Variants in HMG20A observed in about 807,000 individuals in gnomAD.
The protein encoded by HMG20A is high mobility group protein 20A.
In HMG20A, 17 loss-of-function variants were observed where a neutral mutation model predicts 43.9. That is an observed-to-expected ratio of 0.39 (90% CI 0.27 to 0.58). HMG20A has a LOEUF of 0.58. Among genes scored for constraint, HMG20A ranks in the 20% least tolerant of loss-of-function variants. HMG20A has a pLI of 0.59. For synonymous variants in HMG20A, 132 were observed against 147.5 expected, an observed-to-expected ratio of 0.89 and a Z score of 0.76; for missense variants, 341 against 438.2, an observed-to-expected ratio of 0.78 and a Z score of 1.98.
the HMG20A span, among the ~76,000 whole-genome samples, chr15:77,502,059 G>A: frequency 6.6e-6 from 1 of 152,070 alleles, no homozygotes; most frequent in Non-Finnish European, 1.5e-5. Flanking sequence ...TGTAGGCAAA[G>A]AATAATTTTT....
At chr15:77,517,256 A>G in the HMG20A span, among the ~76,000 whole-genome samples, 2 of 152,052 alleles carry the variant, frequency 1.3e-5, no homozygotes, top group Non-Finnish European at 2.9e-5. Context: ...ATCCTCTACA[A>G]TGTCTGTTTT....
At chr15:77,423,904 C>T (rs1055687166) in intron 1 of HMG20A, among the ~76,000 whole-genome samples, 1 of 152,006 alleles carries the variant, frequency 6.6e-6, no homozygotes, top group African/African-American at 2.4e-5. Flanking sequence ...TATTTCATAG[C>T]CTTCACAGGT....
At chr15:77,490,562 C>G (rs1218018852), downstream of HMG20A, among the ~76,000 whole-genome samples, 1 of 152,146 alleles carries the variant, frequency 6.6e-6, no homozygotes, top group African/African-American at 2.4e-5. Flanking sequence ...GTGGCTTACG[C>G]GTGTAATCCC....
intron 8 of HMG20A, 120 bp from the exon 9 acceptor site, chr15:77,479,059 C>G: frequency 1.1e-6 from 1 of 927,916 alleles, no homozygotes; most frequent in Non-Finnish European, 1.7e-6. Context: ...AGTCTCTCCT[C>G]TAAAATTAAA....
the HMG20A span, among the ~76,000 whole-genome samples, chr15:77,512,905 C>T: frequency 1.3e-5 from 2 of 152,240 alleles, no homozygotes; most frequent in East Asian, 1.9e-4. Context: ...AAACTGACCA[C>T]GAATAACCTG....
At chr15:77,461,337 G>A (rs897825593) in intron 2 of HMG20A, among the ~76,000 whole-genome samples, 4 of 152,224 alleles carry the variant, frequency 2.6e-5, no homozygotes, top group South Asian at 2.1e-4. Context: ...AGAAAAATTG[G>A]GACCTTAACT....
chr15:77,519,750 G>C, the HMG20A span, among the ~76,000 whole-genome samples: 1 of 152,184 alleles, frequency 6.6e-6, no homozygotes, highest in African/African-American at 2.4e-5. Context: ...TTGTTGTCAT[G>C]GCAGGAAAGG....
At chr15:77,435,697 GT>G (rs1391100472) in intron 1 of HMG20A, among the ~76,000 whole-genome samples, 1 of 152,064 alleles carries the variant, frequency 6.6e-6, no homozygotes, top group Non-Finnish European at 1.5e-5. Flanking sequence ...CATGTAGGTG[GT>G]ATGCTTCTAC....
the HMG20A span, among the ~76,000 whole-genome samples, chr15:77,493,471 A>G: frequency 6.6e-6 from 1 of 152,190 alleles, no homozygotes; most frequent in Non-Finnish European, 1.5e-5. Context: ...TCACCAGCCC[A>G]AGGATCTGGG....
At chr15:77,450,380 G>T (rs905524537) in intron 1 of HMG20A, among the ~76,000 whole-genome samples, 11 of 152,174 alleles carry the variant, frequency 7.2e-5, no homozygotes, top group Non-Finnish European at 1.2e-4. Context: ...TCCATTTATG[G>T]TGTATCCATT....
chr15:77,452,747 G>A (rs538317162), intron 1 of HMG20A, among the ~76,000 whole-genome samples: 13 of 151,956 alleles, frequency 8.6e-5, no homozygotes, highest in South Asian at 6.2e-4. Flanking sequence ...AAAAAAAAAA[G>A]ATAATTTGTA....
chr15:77,513,475 A>G, the HMG20A span, among the ~76,000 whole-genome samples: 1 of 152,222 alleles, frequency 6.6e-6, no homozygotes, highest in East Asian at 1.9e-4. Context: ...CGCCTGGGCC[A>G]CCTTAACAGA....
intron 1 of HMG20A, among the ~76,000 whole-genome samples, chr15:77,425,455 A>C (rs1441743458): frequency 6.6e-6 from 1 of 152,212 alleles, no homozygotes; most frequent in Non-Finnish European, 1.5e-5. Flanking sequence ...AGACACTCAA[A>C]TATCTATAAA....
At chr15:77,509,005 A>C in the HMG20A span, among the ~76,000 whole-genome samples, 1 of 152,156 alleles carries the variant, frequency 6.6e-6, no homozygotes, top group Non-Finnish European at 1.5e-5. Flanking sequence ...TGGATCGTGA[A>C]CCTTTTATCT....
intron 1 of HMG20A, among the ~76,000 whole-genome samples, chr15:77,428,532 A>G (rs551492892): frequency 3.3e-5 from 5 of 152,362 alleles, no homozygotes; most frequent in African/African-American, 1.2e-4. Context: ...TTATTGAAGT[A>G]TGGTATACTC....
At chr15:77,478,036 C>A (rs2072871877) in intron 7 of HMG20A, 5 of 542,970 alleles carry the variant, frequency 9.2e-6, no homozygotes, top group Non-Finnish European at 1.6e-5. Context: ...AACTAACAAA[C>A]AAAAAAATAC....
chr15:77,499,280 C>T, the HMG20A span, among the ~76,000 whole-genome samples: 2 of 152,200 alleles, frequency 1.3e-5, no homozygotes, highest in African/African-American at 4.8e-5. Flanking sequence ...CTGAGTCGCC[C>T]TTGCTGGAGT....
chr15:77,431,429 CT>C (rs1313591375), intron 1 of HMG20A, among the ~76,000 whole-genome samples: 9 of 152,142 alleles, frequency 5.9e-5, no homozygotes, highest in African/African-American at 1.9e-4. Context: ...CCAGGCTGGT[CT>C]CGAAGTCCTG....
chr15:77,503,221 G>T, the HMG20A span, among the ~76,000 whole-genome samples: 1 of 152,162 alleles, frequency 6.6e-6, no homozygotes, highest in African/African-American at 2.4e-5. Context: ...CTTATGGGGA[G>T]AGGGGGCAGT....
Sources: allele counts gnomAD v4.1 joint callset (sites outside exome capture counted in the v4.1 genomes callset), GRCh38; gene constraint gnomAD v4.1.1; transcripts MANE v1.5; gene names NCBI Gene and HGNC (gene_info 2026-07-23, HGNC 2026-07-21).